Variants in TBX20 observed in about 807,000 individuals in gnomAD.
The protein encoded by TBX20 is T-box transcription factor TBX20.
A neutral mutation model predicts 42.9 loss-of-function variants in TBX20; 8 were observed. The observed-to-expected ratio is 0.19, with a 90% CI of 0.11 to 0.34. The LOEUF (loss-of-function observed/expected upper bound fraction) is 0.34, where lower values mean the gene tolerates loss of function less well. Ranked by LOEUF, TBX20 falls within the 10% of genes least tolerant of loss-of-function variation. The probability of loss-of-function intolerance (pLI) is 1.00; values close to 1 mark genes in which losing one functional copy is unlikely to be tolerated. For missense variants in TBX20, 411 were observed against 566.0 expected, an observed-to-expected ratio of 0.73 and a Z score of 2.78; for synonymous variants, 198 against 222.8, an observed-to-expected ratio of 0.89 and a Z score of 0.99.
chr7:35,238,656 C>A (rs887679914), intron 5 of TBX20, among the ~76,000 whole-genome samples: 1 of 152,190 alleles, frequency 6.6e-6, no homozygotes, highest in Admixed American at 6.5e-5. Flanking sequence ...AAATTAAAAA[C>A]AGGATTGCTG....
At position 35,253,887 on chromosome 7, in the gene TBX20, G is replaced by T. The variant is rs1003573128; in HGVS notation, c.-267C>A. The T allele has an allele frequency of 2.1e-6, 1 of 476,108 alleles. No individual in the cohort carries two copies. The highest frequency in any genetic ancestry group is 3.8e-6 in the Non-Finnish European group (1 of 264,790). The allele number at this position is 476,108 out of a possible 1,614,324, so 29.5% of individuals were successfully genotyped here. A position where few individuals can be genotyped will look rare whatever the true frequency, so the allele number is the denominator to read the frequency against. ...GCACTACGGCGGGTGCGCACGCCCCGGGGCGCTCGGCAGGACGACAGTCTG... is the reference window on the plus strand; with the variant it reads ...GCACTACGGCGGGTGCGCACGCCCCTGGGCGCTCGGCAGGACGACAGTCTG... On this transcript the variant is annotated 5_prime_UTR_variant, in exon 1 of 8. Coordinates refer to ENST00000408931, the MANE Select transcript of TBX20 (RefSeq NM_001077653.2).
At chr7:35,234,831 T>C (rs528709061) in intron 5 of TBX20, among the ~76,000 whole-genome samples, 79 of 152,316 alleles carry the variant, frequency 5.2e-4, no homozygotes, top group South Asian at 8.3e-4. Flanking sequence ...TAAAATTGTA[T>C]GGGAGCTCTG....
rs893751887 is a variant in TBX20, at chr7:35,247,200, T to G, written c.545+1477A>C. Among the ~76,000 whole-genome samples the G allele has an allele frequency of 2.7e-5, 4 of 149,750 alleles. No individual in the cohort carries two copies. The South Asian group carries it at 8.5e-4, about 32-fold the overall frequency. On this transcript the variant is annotated intron_variant, in intron 3 of 7. Transcript: ENST00000408931. ...AAAAAAAAAAAAGAGGGTTTGCTTG[T>G]AGAAAATGGTTAGGAATCTGCCAAA...
rs73691649 is a variant in TBX20 at position 35,219,369 on chromosome 7, A to G, written c.890+12135T>C. On this transcript the variant is annotated intron_variant, in intron 6 of 7. Transcript: ENST00000408931. ...ATACAATACTTAACAACAACAAAAA[A>G]ACAGACCGTGTTCCAATAAAACTGT... Among the ~76,000 whole-genome samples, 547 of 152,358 alleles carry G rather than the reference A, an allele frequency of 3.6e-3. 1 individual carries two copies. The highest frequency in any genetic ancestry group is 0.013 in the African/African-American group (524 of 41,586).
intron 6 of TBX20, among the ~76,000 whole-genome samples, chr7:35,207,460 T>C (rs1789419321): frequency 1.3e-5 from 2 of 152,216 alleles, no homozygotes; most frequent in Admixed American, 1.3e-4. Flanking sequence ...CTAAACAGTT[T>C]CTTTTCAAAA....
At chr7:35,246,154 T>C (rs565096954) in intron 3 of TBX20, among the ~76,000 whole-genome samples, 1 of 152,300 alleles carries the variant, frequency 6.6e-6, no homozygotes, top group East Asian at 1.9e-4. Context: ...AATAGAAGAA[T>C]TCTGTACAAA....
At chr7:35,251,441 A>G (rs905975994) in intron 1 of TBX20, among the ~76,000 whole-genome samples, 1 of 152,230 alleles carries the variant, frequency 6.6e-6, no homozygotes, top group East Asian at 1.9e-4. Context: ...CTTAAGAATA[A>G]TCAAATTAAA....
chr7:35,243,864 A>G (rs1288567248), intron 4 of TBX20, among the ~76,000 whole-genome samples: 1 of 152,210 alleles, frequency 6.6e-6, no homozygotes, highest in African/African-American at 2.4e-5. Flanking sequence ...GTTGTAATAA[A>G]CACAGTCTCC....
intron 7 of TBX20, 105 bp from the exon 8 acceptor site, chr7:35,202,875 T>C (rs1045222217): frequency 1.2e-5 from 18 of 1,537,962 alleles, no homozygotes; most frequent in Admixed American, 2.0e-5. Flanking sequence ...ATTTAATACG[T>C]CTGTAATTTA....
chr7:35,251,818 G>C (rs1337750912), intron 1 of TBX20, among the ~76,000 whole-genome samples: 1 of 152,184 alleles, frequency 6.6e-6, no homozygotes, highest in Non-Finnish European at 1.5e-5. Flanking sequence ...AGAACTTTTA[G>C]GTGTTTCTCT....
At chr7:35,251,658 G>A (rs1790307915) in intron 1 of TBX20, among the ~76,000 whole-genome samples, 2 of 152,158 alleles carry the variant, frequency 1.3e-5, no homozygotes, top group Non-Finnish European at 2.9e-5. Context: ...AAGTAGGAGA[G>A]GAAGAAAATG....
chr7:35,247,098 C>T (rs1790204675), intron 3 of TBX20, among the ~76,000 whole-genome samples: 1 of 146,850 alleles, frequency 6.8e-6, no homozygotes, highest in African/African-American at 2.5e-5. Context: ...GCTCCCCATA[C>T]CTTCAGATAG....
At chr7:35,247,731 T>C (rs1177829491) in intron 3 of TBX20, among the ~76,000 whole-genome samples, 2 of 152,162 alleles carry the variant, frequency 1.3e-5, no homozygotes, top group Non-Finnish European at 2.9e-5. Context: ...CACAAAAAAT[T>C]AGTCATTAAA....
chr7:35,212,161 T>C (rs1285300975), intron 6 of TBX20, among the ~76,000 whole-genome samples: 9 of 152,208 alleles, frequency 5.9e-5, no homozygotes, highest in Admixed American at 1.3e-4. Flanking sequence ...TATCACTATA[T>C]CTTCAAGTTC....
intron 6 of TBX20, among the ~76,000 whole-genome samples, chr7:35,217,006 G>A (rs2532146): frequency 1.2e-4 from 18 of 151,302 alleles, no homozygotes; most frequent in Non-Finnish European, 2.4e-4. Flanking sequence ...TAACTTCCAC[G>A]AAATATTTAA....
intron 3 of TBX20, among the ~76,000 whole-genome samples, chr7:35,247,723 C>CA (rs1185722338): frequency 6.6e-6 from 1 of 152,026 alleles, no homozygotes; most frequent in African/African-American, 2.4e-5. Context: ...CAATCAATCA[C>CA]AAAAAATTAG....
At chr7:35,207,137 GT>G in intron 6 of TBX20, among the ~76,000 whole-genome samples, 1 of 152,180 alleles carries the variant, frequency 6.6e-6, no homozygotes, top group Non-Finnish European at 1.5e-5. Context: ...CACCATCAGT[GT>G]ATGAGAACTC....
intron 5 of TBX20, among the ~76,000 whole-genome samples, chr7:35,232,932 A>C (rs897410101): frequency 6.6e-6 from 1 of 152,176 alleles, no homozygotes; most frequent in Non-Finnish European, 1.5e-5. Context: ...TGACACGAGA[A>C]TCACCTGAAC....
chr7:35,252,727 G>A (rs1358860054), intron 1 of TBX20, among the ~76,000 whole-genome samples: 1 of 152,188 alleles, frequency 6.6e-6, no homozygotes, highest in Non-Finnish European at 1.5e-5. Flanking sequence ...TTTTCCCTCA[G>A]TTGTAAAGAG....
Sources: allele counts gnomAD v4.1 joint callset (sites outside exome capture counted in the v4.1 genomes callset), GRCh38; gene constraint gnomAD v4.1.1; transcripts MANE v1.5; gene names NCBI Gene and HGNC (gene_info 2026-07-23, HGNC 2026-07-21).